The following ZNF365 variants were observed in gnomAD, a reference collection of about 807,000 sequenced individuals.
ZNF365 encodes protein ZNF365.
In ZNF365, 22 loss-of-function variants were observed where a neutral mutation model predicts 35.0. That is an observed-to-expected ratio of 0.63 (90% CI 0.45 to 0.90). The LOEUF (loss-of-function observed/expected upper bound fraction) is 0.90. ZNF365 is among the 40% of genes least tolerant of loss of function. The pLI, the probability that ZNF365 is intolerant of heterozygous loss-of-function variation, is 0.00. For missense variants in ZNF365, 448 were observed against 500.3 expected (o/e 0.90, Z 1.00); for synonymous variants, 188 against 196.2 (o/e 0.96, Z 0.35).
At position 62,399,603 on chromosome 10, in the gene ZNF365, C is replaced by T. The variant is rs1350907115; in HGVS notation, c.1038C>T (p.His346=). Residue 346 remains histidine (H), a synonymous_variant, in exon 5 of 5, where the codon CAC becomes CAT. Transcript: ENST00000395254. ...ATTTCCACCCAAAGGGAAGGAACCA[C>T]CTGAAAAAGGCCAAGGATGACAGAG... The part of the protein sequence containing the change: ...KAHFHPKGRN[H]LKKAKDDRAS... 3.1e-6 allele frequency: 5 copies of T among 1,614,166 alleles called. No individual in the cohort carries two copies. Among genetic ancestry groups the T allele is most frequent in the Non-Finnish European group, 4.2e-6 (5 of 1,180,044 alleles).
At chr10:62,472,456 G>A (rs1841057941) in intron 4 of ZNF365, among the ~76,000 whole-genome samples, 1 of 152,122 alleles carries the variant, frequency 6.6e-6, no homozygotes, top group Non-Finnish European at 1.5e-5. Flanking sequence ...AATGTCACAG[G>A]TGTTCTTAAA....
Position 62,402,192 on chromosome 10 carries a change from A to G in ZNF365, c.*2403A>G. On this transcript the variant is annotated 3_prime_UTR_variant, in exon 5 of 5. Coordinates refer to ENST00000395254, the MANE Select transcript of ZNF365 (RefSeq NM_014951.3). ...CCAAAGTTTCTGGGAAACTATGTTCAAGGTTGAAATGGAGAGTAGATTTAA... is the reference window on the plus strand; with the variant it reads ...CCAAAGTTTCTGGGAAACTATGTTCGAGGTTGAAATGGAGAGTAGATTTAA... The G allele has an allele frequency of 1.0e-6, 1 of 985,988 alleles. No individual in the cohort carries two copies. Among genetic ancestry groups the G allele is most frequent in the African/African-American group, 1.7e-5 (1 of 57,364 alleles). The allele number at this position is 985,988 out of a possible 1,614,324, so 61.1% of individuals were successfully genotyped here.
chr10:62,399,505 C>T (rs1839787509), intron 4 of ZNF365, 23 bp from the exon 5 acceptor site: 2 of 1,609,302 alleles, frequency 1.2e-6, no homozygotes, highest in African/African-American at 1.3e-5. Context: ...CTCTTCTCCA[C>T]TCCCCCCTCC....
Position 62,451,375 on chromosome 10 carries a change from G to C in ZNF365, c.925-8366G>C, listed in dbSNP as rs1023618380. Among the ~76,000 whole-genome samples the C allele has an allele frequency of 4.6e-5, 7 of 152,154 alleles. No homozygotes were observed. In the East Asian group the frequency reaches 7.7e-4, roughly 17 times the overall value. ...GCTCGTTCATGGCTTGTCTGATGTG[G>C]CCTCCAGGGTCTTCATGGCTTGGCA... is the stretch of plus-strand genomic sequence containing the variant. On this transcript the variant is annotated intron_variant, in intron 3 of 4. Transcript: ENST00000395255.
intron 3 of ZNF365, among the ~76,000 whole-genome samples, chr10:62,455,724 A>T (rs1357209212): frequency 6.6e-6 from 1 of 152,192 alleles, no homozygotes; most frequent in African/African-American, 2.4e-5. Flanking sequence ...TGGGCACAAA[A>T]TATAAGAACT....
At chr10:62,459,457 A>G (rs1840811955) in intron 3 of ZNF365, among the ~76,000 whole-genome samples, 1 of 152,252 alleles carries the variant, frequency 6.6e-6, no homozygotes. Flanking sequence ...GAATGTACAC[A>G]CATCCAGACT....
intron 3 of ZNF365, among the ~76,000 whole-genome samples, chr10:62,456,651 C>T (rs149861829): frequency 1.3e-5 from 2 of 152,208 alleles, no homozygotes; most frequent in Non-Finnish European, 2.9e-5. Context: ...GAGCGGGACT[C>T]GATTTCAGCT....
intron 3 of ZNF365, among the ~76,000 whole-genome samples, chr10:62,453,828 A>G (rs567526117): frequency 1.3e-5 from 2 of 152,342 alleles, no homozygotes; most frequent in Non-Finnish European, 2.9e-5. Flanking sequence ...ACTTGGAAAC[A>G]ATTTAAATGT....
At chr10:62,445,502 G>A (rs1441336264) in intron 3 of ZNF365, among the ~76,000 whole-genome samples, 3 of 152,120 alleles carry the variant, frequency 2.0e-5, no homozygotes, top group Non-Finnish European at 2.9e-5. Flanking sequence ...CAGGGGTGAG[G>A]CAGCCCCAAC....
intron 4 of ZNF365, among the ~76,000 whole-genome samples, chr10:62,468,505 T>A (rs1276495268): frequency 6.6e-6 from 1 of 152,180 alleles, no homozygotes; most frequent in East Asian, 1.9e-4. Context: ...CAGAGCAACA[T>A]GAATTCTGCT....
chr10:62,379,695 C>T (rs1839402621), intron 2 of ZNF365, among the ~76,000 whole-genome samples: 1 of 152,190 alleles, frequency 6.6e-6, no homozygotes, highest in Non-Finnish European at 1.5e-5. Context: ...CCACCTGTCA[C>T]ACTGTTAATA....
At chr10:62,446,092 T>G (rs908443113) in intron 3 of ZNF365, among the ~76,000 whole-genome samples, 1 of 152,192 alleles carries the variant, frequency 6.6e-6, no homozygotes, top group Non-Finnish European at 1.5e-5. Context: ...AAAACCCAAG[T>G]CACTGCACTC....
In ZNF365 at chr10:62,400,847, A is replaced by G; in HGVS notation, c.*1058A>G. The G allele has an allele frequency of 6.1e-6, 6 of 985,496 alleles. No homozygotes were observed. The highest frequency in any genetic ancestry group is 7.2e-6 in the Non-Finnish European group (6 of 829,938). The allele number at this position is 985,496 out of a possible 1,614,324, so 61.0% of individuals were successfully genotyped here. A position where few individuals can be genotyped will look rare whatever the true frequency, so the allele number is the denominator to read the frequency against. ...TAAGGGCTTCAGGTATCTTTCAACC[A>G]AGTATCTGGAGTGTTCACTCTATGT... On this transcript the variant is annotated 3_prime_UTR_variant, in exon 5 of 5. Transcript: ENST00000395254.
At chr10:62,387,799 C>G (rs1384081205) in intron 2 of ZNF365, among the ~76,000 whole-genome samples, 2 of 152,168 alleles carry the variant, frequency 1.3e-5, no homozygotes, top group African/African-American at 4.8e-5. Flanking sequence ...TGCTCCTATA[C>G]TTTCTCTCCC....
intron 1 of ZNF365, among the ~76,000 whole-genome samples, chr10:62,374,805 T>C (rs982764494): frequency 6.6e-6 from 1 of 152,150 alleles, no homozygotes; most frequent in Non-Finnish European, 1.5e-5. Context: ...GATTACCCAT[T>C]TCCCCATCCA....
At chr10:62,380,569 T>C (rs909387503) in intron 2 of ZNF365, among the ~76,000 whole-genome samples, 7 of 152,210 alleles carry the variant, frequency 4.6e-5, no homozygotes, top group Non-Finnish European at 1.0e-4. Context: ...ATCCCTGCAT[T>C]GTTCAGGGGT....
intron 4 of ZNF365, among the ~76,000 whole-genome samples, chr10:62,474,933 C>T (rs1841103243): frequency 1.3e-5 from 2 of 152,206 alleles, no homozygotes; most frequent in Admixed American, 6.5e-5. Context: ...TTTCCTTTAA[C>T]TGTCTCAATT....
At chr10:62,476,717 T>C (rs1914179) in intron 4 of ZNF365, among the ~76,000 whole-genome samples, 151,215 of 152,392 alleles carry the variant, frequency 0.99, 75,043 homozygotes, top group Middle Eastern at 1. Context: ...AATTAGACAT[T>C]GAAGTGTTCT....
At chr10:62,468,726 T>A (rs1288050224) in intron 4 of ZNF365, among the ~76,000 whole-genome samples, 1 of 152,172 alleles carries the variant, frequency 6.6e-6, no homozygotes, top group African/African-American at 2.4e-5. Flanking sequence ...AGGAAAAAAT[T>A]TATCTTGTTT....
Sources: gnomAD v4.1 joint callset for allele counts (sites outside exome capture counted in the v4.1 genomes callset) on GRCh38, gnomAD v4.1.1 for gene constraint, MANE v1.5 for transcripts, NCBI Gene and HGNC (gene_info 2026-07-23, HGNC 2026-07-21) for gene names.